ALDH9A1: variants seen among roughly 807,000 people sequenced by gnomAD.
ALDH9A1 encodes the protein aldehyde dehydrogenase 9 family member A1, also known as 4-trimethylaminobutyraldehyde dehydrogenase.
Under a neutral mutation model 56.6 loss-of-function variants are expected in ALDH9A1, and 42 were observed. The ratio of observed to expected loss-of-function variants is 0.74; its 90% CI spans 0.58 to 0.96. The LOEUF (loss-of-function observed/expected upper bound fraction) is 0.96, where lower values mean the gene tolerates loss of function less well. Among genes scored for constraint, ALDH9A1 ranks in the 40% least tolerant of loss-of-function variants. The probability of loss-of-function intolerance (pLI) is 0.00; values close to 1 mark genes in which losing one functional copy is unlikely to be tolerated. For missense variants in ALDH9A1, 661 were observed against 651.5 expected (o/e 1.01, Z -0.16); for synonymous variants, 242 against 236.0 (o/e 1.03, Z -0.23).
chr1:165,669,304 G>A lies in ALDH9A1; in HGVS notation c.1077C>T (p.His359=). The A allele has an allele frequency of 6.2e-7, 1 of 1,613,194 alleles. No individual in the cohort carries two copies. The highest frequency in any genetic ancestry group is 8.5e-7 in the Non-Finnish European group (1 of 1,179,746). ...TRMGPLINRP[H]LERVLGFVKV... Reference sequence around the variant, plus strand: ...TGACAAACCCAAGGACTCGCTCCAGGTGTGGTCGGTTGATGAGTGGACCCA... The same window carrying A: ...TGACAAACCCAAGGACTCGCTCCAGATGTGGTCGGTTGATGAGTGGACCCA... The change falls in exon 7 of 11, where the codon CAC becomes CAT. Residue 359 remains histidine (H), a synonymous_variant. Transcript: ENST00000354775.
At chr1:165,665,597 T>G (rs908786440) in intron 9 of ALDH9A1, among the ~76,000 whole-genome samples, 1 of 151,432 alleles carries the variant, frequency 6.6e-6, no homozygotes, top group African/African-American at 2.4e-5. Context: ...AAGTAACAGA[T>G]AAAAAAAACA....
intron 7 of ALDH9A1, 68 bp downstream of exon 7, chr1:165,669,194 C>T: frequency 6.9e-7 from 1 of 1,455,234 alleles, no homozygotes. Flanking sequence ...ATGAAAAGGG[C>T]ACAAAGCATG....
chr1:165,669,201 C>A, intron 7 of ALDH9A1, 61 bp downstream of exon 7: 1 of 1,466,922 alleles, frequency 6.8e-7, no homozygotes, highest in Non-Finnish European at 9.2e-7. Context: ...GGGCACAAAG[C>A]ATGTGATTTA....
chr1:165,693,626 A>T (rs1649965054), intron 2 of ALDH9A1, among the ~76,000 whole-genome samples: 1 of 152,224 alleles, frequency 6.6e-6, no homozygotes, highest in Non-Finnish European at 1.5e-5. Context: ...GGGACTGTAA[A>T]CTAGTTCAAC....
intron 2 of ALDH9A1, among the ~76,000 whole-genome samples, chr1:165,694,955 CAAA>C (rs538042607): frequency 1.9e-5 from 2 of 106,674 alleles, no homozygotes; most frequent in African/African-American, 3.3e-5. Flanking sequence ...GATTCCGTCT[CAAA>C]AAAAAAAAAA....
At chr1:165,680,348 G>C in intron 5 of ALDH9A1, 139 bp downstream of exon 5, 1 of 884,594 alleles carries the variant, frequency 1.1e-6, no homozygotes, top group Non-Finnish European at 1.8e-6. Context: ...TCACACCTCT[G>C]CCTAATAAAA....
chr1:165,682,743 C>T (rs1649590853), intron 3 of ALDH9A1: 2 of 441,138 alleles, frequency 4.5e-6, no homozygotes, highest in Non-Finnish European at 7.9e-6. Context: ...GCTCAGGTAT[C>T]ATGCTAGGTG....
intron 9 of ALDH9A1, among the ~76,000 whole-genome samples, chr1:165,666,046 A>G (rs1648996415): frequency 6.6e-6 from 1 of 152,250 alleles, no homozygotes; most frequent in Admixed American, 6.5e-5. Context: ...AAAGTGGTAC[A>G]TATCCATACC....
At chr1:165,687,396 G>A (rs1024114092) in intron 2 of ALDH9A1, among the ~76,000 whole-genome samples, 3 of 150,146 alleles carry the variant, frequency 2.0e-5, no homozygotes, top group South Asian at 2.1e-4. Context: ...TACATATGAA[G>A]AAAACTGCAC....
intron 6 of ALDH9A1, 133 bp downstream of exon 6, chr1:165,679,309 T>C (rs1649467140): frequency 3.1e-6 from 3 of 967,768 alleles, no homozygotes; most frequent in Non-Finnish European, 4.5e-6. Flanking sequence ...CAAAGGTACA[T>C]GGGAATTCTT....
intron 6 of ALDH9A1, among the ~76,000 whole-genome samples, chr1:165,670,084 T>C (rs1292648254): frequency 6.6e-6 from 1 of 152,154 alleles, no homozygotes; most frequent in Non-Finnish European, 1.5e-5. Context: ...TAAAATAAGA[T>C]ACATATCTTA....
chr1:165,686,507 GTTT>G (rs748997343), intron 2 of ALDH9A1, among the ~76,000 whole-genome samples: 6,830 of 136,168 alleles, frequency 0.05, 197 homozygotes, highest in Admixed American at 0.087. Flanking sequence ...AGAAGAAAAT[GTTT>G]TTTTTTTTAA....
intron 2 of ALDH9A1, among the ~76,000 whole-genome samples, chr1:165,691,893 C>G (rs1381663630): frequency 6.6e-6 from 1 of 152,168 alleles, no homozygotes; most frequent in Non-Finnish European, 1.5e-5. Flanking sequence ...GGCTTCATCC[C>G]TGGGATGCAA....
chr1:165,696,176 G>T (rs780391298), intron 1 of ALDH9A1, among the ~76,000 whole-genome samples: 2 of 151,900 alleles, frequency 1.3e-5, no homozygotes, highest in Non-Finnish European at 2.9e-5. Flanking sequence ...TGTATTTTGC[G>T]GTCATTGACA....
intron 6 of ALDH9A1, among the ~76,000 whole-genome samples, chr1:165,674,685 CA>C (rs36011778): frequency 0.22 from 25,242 of 115,410 alleles, 2,986 homozygotes; most frequent in East Asian, 0.76. Context: ...GACTCCGAAT[CA>C]AAAAAAAAAA....
intron 7 of ALDH9A1, 68 bp from the exon 8 acceptor site, chr1:165,669,081 A>C: frequency 7.0e-7 from 1 of 1,435,494 alleles, no homozygotes; most frequent in Non-Finnish European, 9.6e-7. Context: ...TGAAATGTTA[A>C]TTGTATCCCG....
At chr1:165,695,548 T>G (rs1650053771) in intron 1 of ALDH9A1, 151 bp from the exon 2 acceptor site, 2 of 799,608 alleles carry the variant, frequency 2.5e-6, no homozygotes, top group Non-Finnish European at 3.5e-6. Flanking sequence ...CAGGCTGGAG[T>G]GCAGTGGCGC....
chr1:165,690,920 G>A (rs1024344174), intron 2 of ALDH9A1, among the ~76,000 whole-genome samples: 1 of 152,194 alleles, frequency 6.6e-6, no homozygotes, highest in African/African-American at 2.4e-5. Context: ...TCTGTAAACT[G>A]CACCTCTGGC....
chr1:165,698,275 T>C (rs4646883), intron 1 of ALDH9A1, 103 bp downstream of exon 1: 101,284 of 1,472,040 alleles, frequency 0.069, 10,914 homozygotes, highest in East Asian at 0.61. Flanking sequence ...GTCACTGTCT[T>C]GTGCTCAAGT....
Sources: allele counts gnomAD v4.1 joint callset (sites outside exome capture counted in the v4.1 genomes callset), GRCh38; gene constraint gnomAD v4.1.1; transcripts MANE v1.5; gene names NCBI Gene and HGNC (gene_info 2026-07-23, HGNC 2026-07-21).